Variants in OTUB1 observed in about 807,000 individuals in gnomAD.
The protein encoded by OTUB1 is OTU deubiquitinase, ubiquitin aldehyde binding 1.
Under a neutral mutation model 35.8 loss-of-function variants are expected in OTUB1, and 10 were observed. That is an observed-to-expected ratio of 0.28 (90% confidence interval 0.17 to 0.47). The LOEUF is 0.47. OTUB1 is among the 20% of genes least tolerant of loss of function. OTUB1 has a pLI of 0.99. For synonymous variants in OTUB1, 158 were observed against 143.8 expected, an observed-to-expected ratio of 1.10 and a Z score of -0.71; for missense variants, 264 against 351.6, an observed-to-expected ratio of 0.75 and a Z score of 1.99.
At chr11:63,986,958 C>G (rs1373857781) in intron 1 of OTUB1, 1 of 165,582 alleles carries the variant, frequency 6.0e-6, no homozygotes, top group African/African-American at 2.4e-5. Flanking sequence ...AAGGTCCGGG[C>G]GGGCCATTCG....
At chr11:63,989,112 G>A (rs1010256487) in intron 3 of OTUB1, 1 of 185,872 alleles carries the variant, frequency 5.4e-6, no homozygotes, top group Admixed American at 6.0e-5. Context: ...CTGAGGTCAG[G>A]AGTTCGAGAC....
At position 63,997,423 on chromosome 11, in the gene OTUB1, C is replaced by A. The variant is rs768535647; in HGVS notation, c.693C>A (p.Ile231=). The A allele has an allele frequency of 1.2e-6, 2 of 1,614,140 alleles. No individual in the cohort carries two copies. The highest frequency in any genetic ancestry group is 2.2e-5 in the South Asian group (2 of 91,086). ...IALAQALSVS[I]QVEYMDRGEG... ...TGGCCCAGGCCCTCAGCGTGTCCATCCAGGTGGAGTACATGGACCGCGGCG... is the reference window on the plus strand; with the variant it reads ...TGGCCCAGGCCCTCAGCGTGTCCATACAGGTGGAGTACATGGACCGCGGCG... Residue 231 remains isoleucine (I), a synonymous_variant, in exon 7 of 7, where the codon ATC becomes ATA. Transcript: ENST00000538426.
chr11:63,994,530 C>T (rs1400571361), intron 3 of OTUB1, among the ~76,000 whole-genome samples: 5 of 152,340 alleles, frequency 3.3e-5, no homozygotes, highest in African/African-American at 1.2e-4. Context: ...GGATTATAGG[C>T]GTGAGCCACC....
At chr11:63,986,838 CT>C (rs1942625553) in intron 1 of OTUB1, 4 of 329,300 alleles carry the variant, frequency 1.2e-5, no homozygotes, top group East Asian at 5.2e-5. Flanking sequence ...CCTCTCGCCC[CT>C]GTCCTTGCAG....
chr11:63,988,427 A>C (rs1942639872), intron 2 of OTUB1, 29 bp downstream of exon 2: 1 of 1,546,932 alleles, frequency 6.5e-7, no homozygotes, highest in Admixed American at 2.0e-5. Context: ...CGAGGGAGGC[A>C]GTGGCCAGCA....
chr11:63,994,031 G>A (rs1416556650), intron 3 of OTUB1, among the ~76,000 whole-genome samples: 2 of 151,966 alleles, frequency 1.3e-5, no homozygotes, highest in African/African-American at 4.8e-5. Flanking sequence ...GAAATCTGAG[G>A]TGGGAGAATT....
intron 3 of OTUB1, among the ~76,000 whole-genome samples, chr11:63,991,626 C>T (rs1017309718): frequency 6.6e-6 from 1 of 152,228 alleles, no homozygotes; most frequent in African/African-American, 2.4e-5. Flanking sequence ...ATTAGGATGA[C>T]GTTTATTCGC....
intron 3 of OTUB1, among the ~76,000 whole-genome samples, chr11:63,991,947 G>C (rs1942676375): frequency 6.6e-6 from 1 of 152,212 alleles, no homozygotes; most frequent in African/African-American, 2.4e-5. Flanking sequence ...GCCGGGCGTG[G>C]TGGCTCACGC....
intron 3 of OTUB1, chr11:63,990,761 C>A (rs1010255013): frequency 1.3e-5 from 2 of 152,006 alleles, no homozygotes; most frequent in Non-Finnish European, 2.9e-5. Context: ...AGGTAGGTAA[C>A]CCAGGTGATT....
chr11:63,990,883 T>C (rs1003111795), intron 3 of OTUB1, among the ~76,000 whole-genome samples: 1 of 152,116 alleles, frequency 6.6e-6, no homozygotes, highest in East Asian at 1.9e-4. Flanking sequence ...TCCATACCAT[T>C]GTCTCCAGAT....
chr11:63,996,355 A>G (rs963630725), intron 3 of OTUB1, among the ~76,000 whole-genome samples, 175 bp from the exon 4 acceptor site: 1 of 152,222 alleles, frequency 6.6e-6, no homozygotes, highest in Non-Finnish European at 1.5e-5. Context: ...GACTCTGGGC[A>G]GTGGGCCGCT....
At chr11:63,986,782 C>T (rs1470125236) in intron 1 of OTUB1, 3 of 438,302 alleles carry the variant, frequency 6.8e-6, no homozygotes, top group African/African-American at 4.1e-5. Flanking sequence ...TGGGTCGCTC[C>T]GCCCTCTGCC....
At chr11:63,988,467 A>T (rs559126240) in intron 2 of OTUB1, 69 bp downstream of exon 2, 577 of 1,436,382 alleles carry the variant, frequency 4.0e-4, no homozygotes, top group Non-Finnish European at 5.1e-4. Context: ...TAGGCTGGGC[A>T]TGAGGCCTAT....
chr11:63,996,438 CT>C, intron 3 of OTUB1, 91 bp from the exon 4 acceptor site: 1 of 1,433,086 alleles, frequency 7.0e-7, no homozygotes. Context: ...CAGTTGCCAC[CT>C]TTGGAGTGTG....
In OTUB1 at chr11:63,997,927, T is replaced by G; in HGVS notation, c.*381T>G. The G allele has an allele frequency of 1.7e-6, 1 of 597,848 alleles. No homozygotes were observed. Among genetic ancestry groups the G allele is most frequent in the Non-Finnish European group, 3.0e-6 (1 of 335,684 alleles). 37.0% of individuals were successfully genotyped at this position (597,848 alleles called of 1,614,324 possible). ...CTTCTATGGGATCCTGGAAGTTCCTTAGGGACTTGCCCAGGGTCCCAGGGC... is the reference window on the plus strand; with the variant it reads ...CTTCTATGGGATCCTGGAAGTTCCTGAGGGACTTGCCCAGGGTCCCAGGGC... On this transcript the variant is annotated 3_prime_UTR_variant, in exon 7 of 7. Transcript: ENST00000538426.
intron 1 of OTUB1, 35 bp from the exon 2 acceptor site, chr11:63,988,301 AC>A: frequency 6.5e-7 from 1 of 1,536,376 alleles, no homozygotes; most frequent in Non-Finnish European, 8.8e-7. Context: ...GATGGCCAGG[AC>A]CCCCTGTAAT....
chr11:63,998,165 T>A lies in OTUB1; in HGVS notation c.*619T>A. 1 of 270,758 alleles carries A rather than the reference T, an allele frequency of 3.7e-6. No homozygotes were observed. Among genetic ancestry groups the A allele is most frequent in the Non-Finnish European group, 7.2e-6 (1 of 139,698 alleles). The allele number at this position is 270,758 out of a possible 1,614,324, so 16.8% of individuals were successfully genotyped here. On this transcript the variant is annotated 3_prime_UTR_variant, in exon 7 of 7. Transcript: ENST00000538426. ...GCCATCCTGGTGGGGGAGGGCAGCC[T>A]TCAAACGTGTGGGGTCTACAGTCCT...
chr11:63,992,379 G>GCC (rs1942680405), intron 3 of OTUB1, among the ~76,000 whole-genome samples: 1 of 146,194 alleles, frequency 6.8e-6, no homozygotes, highest in Non-Finnish European at 1.5e-5. Context: ...AGGCGAGAGG[G>GCC]CACCTGGATG....
At chr11:63,986,695 C>T (rs1942623215) in intron 1 of OTUB1, 181 bp downstream of exon 1, 2 of 570,590 alleles carry the variant, frequency 3.5e-6, no homozygotes, top group South Asian at 2.3e-5. Context: ...CGCCGCGACC[C>T]CCGGCCGGGA....
Sources: gnomAD v4.1 joint callset for allele counts (sites outside exome capture counted in the v4.1 genomes callset) on GRCh38, gnomAD v4.1.1 for gene constraint, MANE v1.5 for transcripts, NCBI Gene and HGNC (gene_info 2026-07-23, HGNC 2026-07-21) for gene names.